Variants in TECR observed in about 807,000 individuals in gnomAD.
TECR encodes very-long-chain enoyl-CoA reductase.
Under a neutral mutation model 50.6 loss-of-function variants are expected in TECR, and 19 were observed. That is an observed-to-expected ratio of 0.38 (90% CI 0.26 to 0.55). The LOEUF (loss-of-function observed/expected upper bound fraction) is 0.55, where lower values mean the gene tolerates loss of function less well. Ranked by LOEUF, TECR falls within the 20% of genes least tolerant of loss-of-function variation. The pLI is 0.79. For missense variants in TECR, 313 were observed against 408.3 expected (o/e 0.77, Z 2.01); for synonymous variants, 168 against 163.5 (o/e 1.03, Z -0.21).
At chr19:14,536,850 A>G (rs1300806019) in intron 1 of TECR, among the ~76,000 whole-genome samples, 1 of 151,744 alleles carries the variant, frequency 6.6e-6, no homozygotes, top group African/African-American at 2.4e-5. Flanking sequence ...ATGAGCAGAT[A>G]CATACCTGGA....
At chr19:14,564,655 T>G in intron 7 of TECR, 131 bp from the exon 8 acceptor site, 1 of 675,832 alleles carries the variant, frequency 1.5e-6, no homozygotes, top group Non-Finnish European at 2.4e-6. Context: ...CCGCCTATCC[T>G]CCCCAGCCCC....
At chr19:14,529,410 C>T (rs2072521956), upstream of TECR, 2 of 588,056 alleles carry the variant, frequency 3.4e-6, no homozygotes. Flanking sequence ...TTCTCTTTAG[C>T]CCCTCCTACA....
chr19:14,533,161 C>T (rs1321142033), intron 1 of TECR, among the ~76,000 whole-genome samples: 1 of 151,602 alleles, frequency 6.6e-6, no homozygotes, highest in African/African-American at 2.4e-5. Context: ...TGGCTCATGC[C>T]TGTAATCCCA....
chr19:14,561,496 C>T (rs571711110), intron 1 of TECR, among the ~76,000 whole-genome samples: 3 of 152,284 alleles, frequency 2.0e-5, no homozygotes, highest in African/African-American at 7.2e-5. Flanking sequence ...AGGGCTGGGC[C>T]AGACTCCTAC....
At chr19:14,552,169 T>C (rs548745239) in intron 1 of TECR, among the ~76,000 whole-genome samples, 2 of 144,882 alleles carry the variant, frequency 1.4e-5, no homozygotes, top group East Asian at 2.1e-4. Context: ...TTCTTTCTTT[T>C]TTCTTTTTTT....
At chr19:14,562,660 GC>G in intron 2 of TECR, 85 bp downstream of exon 2, 1 of 1,464,524 alleles carries the variant, frequency 6.8e-7, no homozygotes, top group Non-Finnish European at 9.6e-7. Context: ...GTCCAGTGGG[GC>G]CCTTTGTGCC....
chr19:14,530,062 G>A (rs1476857034), intron 1 of TECR: 3 of 412,978 alleles, frequency 7.3e-6, no homozygotes, highest in African/African-American at 2.0e-5. Flanking sequence ...ATCCGAGGGA[G>A]TCTTGCACAA....
chr19:14,558,990 T>TGC (rs2073827374), intron 1 of TECR, among the ~76,000 whole-genome samples: 1 of 152,082 alleles, frequency 6.6e-6, no homozygotes, highest in South Asian at 2.1e-4. Flanking sequence ...GGCGTGTGTG[T>TGC]GTGTGGCAGG....
chr19:14,552,133 CTGGCCTTTTTCTTTTCTTTCT>C (rs1471787586), intron 1 of TECR, among the ~76,000 whole-genome samples: 1 of 150,824 alleles, frequency 6.6e-6, no homozygotes, highest in East Asian at 1.9e-4. Flanking sequence ...GCCACCGCGC[CTGGCCTTTTTCTTTTCTTTCT>C]TTCTTTCTTT....
intron 1 of TECR, chr19:14,536,589 C>G (rs1416001518): frequency 6.6e-6 from 1 of 152,048 alleles, no homozygotes; most frequent in East Asian, 1.9e-4. Context: ...CTTTTTAATC[C>G]ATAAAATGAC....
At chr19:14,528,397 G>A (rs1335284869), upstream of TECR, among the ~76,000 whole-genome samples, 3 of 151,414 alleles carry the variant, frequency 2.0e-5, no homozygotes, top group African/African-American at 4.9e-5. Context: ...GTACCACCAC[G>A]CCCGGCTAAT....
At chr19:14,560,388 C>T (rs1280100012) in intron 1 of TECR, among the ~76,000 whole-genome samples, 5 of 152,178 alleles carry the variant, frequency 3.3e-5, no homozygotes, top group Non-Finnish European at 7.4e-5. Context: ...AGCATGTGGG[C>T]ACTGCCTGCC....
At chr19:14,565,168 G>A in intron 10 of TECR, 34 bp from the exon 11 acceptor site, 1 of 1,613,882 alleles carries the variant, frequency 6.2e-7, no homozygotes, top group Non-Finnish European at 8.5e-7. Context: ...CTGGGTGAGG[G>A]GGTCTGACTT....
intron 1 of TECR, among the ~76,000 whole-genome samples, chr19:14,551,305 C>A (rs972809900): frequency 6.6e-6 from 1 of 151,964 alleles, no homozygotes; most frequent in Non-Finnish European, 1.5e-5. Context: ...GAACTCCTGA[C>A]CTCAGGTGAT....
At chr19:14,562,876 C>T (rs2073943870) in intron 2 of TECR, among the ~76,000 whole-genome samples, 1 of 152,082 alleles carries the variant, frequency 6.6e-6, no homozygotes, top group South Asian at 2.1e-4. Flanking sequence ...CTGGGGAGGA[C>T]AGAGGGCCTT....
chr19:14,563,188 C>G lies in TECR; in HGVS notation c.67-18C>G. On this transcript the variant is annotated intron_variant, in intron 2 of 12. Coordinates refer to ENST00000215567, the MANE Select transcript of TECR (RefSeq NM_138501.6). This position sits in a 1 kb window ranked among gnomAD's most constrained non-coding sequence, Gnocchi z 5.3. ...GCTCCCCGCAGAGCTGACGTCCCTGCGCCTGTGCTTCCCCCAGGTGGAGCC... is the reference window on the plus strand; with the variant it reads ...GCTCCCCGCAGAGCTGACGTCCCTGGGCCTGTGCTTCCCCCAGGTGGAGCC... 1 of 1,613,976 alleles carries G rather than the reference C, an allele frequency of 6.2e-7. No homozygotes were observed. Among genetic ancestry groups the G allele is most frequent in the Non-Finnish European group, 8.5e-7 (1 of 1,179,912 alleles).
chr19:14,551,895 TTCTC>T (rs140348006), intron 1 of TECR, among the ~76,000 whole-genome samples: 15 of 145,252 alleles, frequency 1.0e-4, no homozygotes, highest in Admixed American at 3.4e-4. Flanking sequence ...TTTCTTTCCT[TTCTC>T]TCTCTCTCTC....
intron 1 of TECR, among the ~76,000 whole-genome samples, chr19:14,561,690 G>A (rs1008556392): frequency 6.6e-6 from 1 of 152,160 alleles, no homozygotes; most frequent in African/African-American, 2.4e-5. Context: ...CAAGCTGGAG[G>A]CGGTTGCCTA....
chr19:14,562,110 C>G (rs569788955), intron 1 of TECR: 1 of 500,878 alleles, frequency 2.0e-6, no homozygotes, highest in East Asian at 3.4e-5. Context: ...TCCCAAGCCC[C>G]CCTCAGAGAA....
Sources: allele counts gnomAD v4.1 joint callset (sites outside exome capture counted in the v4.1 genomes callset), GRCh38; gene constraint gnomAD v4.1.1; non-coding constraint Gnocchi (gnomAD v3.1); transcripts MANE v1.5; gene names NCBI Gene and HGNC (gene_info 2026-07-23, HGNC 2026-07-21).